Variants in LRP1-AS observed in about 807,000 individuals in gnomAD.
LRP1-AS encodes LRP1 antisense RNA.
rs764688578 is a variant in LRP1-AS, at chr12:57,146,536, A to G, written n.181+903T>C. 3 of 152,220 alleles carry G rather than the reference A, an allele frequency of 2.0e-5. No homozygotes were observed. The East Asian group carries it at 5.8e-4, about 29-fold the overall frequency. 9.4% of individuals were successfully genotyped at this position (152,220 alleles called of 1,614,324 possible). A position where few individuals can be genotyped will look rare whatever the true frequency, so the allele number is the denominator to read the frequency against. ...TATTTGGTTCTTGTGATGAAAAGAA[A>G]GATCCCAGGAGGTTACAAGGGATTC... On this transcript the variant is annotated intron_variant and non_coding_transcript_variant, in intron 1 of 1. Transcript: ENST00000555461.
At chr12:57,147,013 T>G (rs1406261881) in intron 1 of LRP1-AS, among the ~76,000 whole-genome samples, 8 of 151,918 alleles carry the variant, frequency 5.3e-5, no homozygotes, top group Non-Finnish European at 1.2e-4. Context: ...CTTCTCAACT[T>G]CTACTCTGGC....
chr12:57,147,051 A>G (rs1460320212), intron 1 of LRP1-AS, among the ~76,000 whole-genome samples: 6 of 152,050 alleles, frequency 3.9e-5, no homozygotes, highest in Admixed American at 3.9e-4. Flanking sequence ...CTTCCTCCCC[A>G]GGAGAAGCTG....
intron 1 of LRP1-AS, chr12:57,145,426 C>G (rs1477406892): frequency 1.9e-6 from 3 of 1,614,050 alleles, no homozygotes; most frequent in Middle Eastern, 1.6e-4. Context: ...TCAAGTGTGC[C>G]CGCATGCCTG....
chr12:57,145,798 G>T (rs372540679), intron 1 of LRP1-AS, among the ~76,000 whole-genome samples: 1 of 152,150 alleles, frequency 6.6e-6, no homozygotes, highest in African/African-American at 2.4e-5. Flanking sequence ...TGACTAGACT[G>T]CAGAGGGACT....
Position 57,145,192 on chromosome 12 carries a change from C to T in LRP1-AS, n.182-109G>A, listed in dbSNP as rs535270990. 4.7e-5 allele frequency: 76 copies of T among 1,613,780 alleles called. No individual in the cohort carries two copies. The East Asian group carries it at 1.5e-3, about 32-fold the overall frequency. On this transcript the variant is annotated intron_variant and non_coding_transcript_variant, in intron 1 of 1. Coordinates refer to ENST00000555461, the Ensembl canonical transcript of LRP1-AS. Reference sequence around the variant, plus strand: ...TGGCCTGAGAGGTGGTCCTAGAGCCCTGGCTGCACGGACTCTTCTCTTCCC... The same window carrying T: ...TGGCCTGAGAGGTGGTCCTAGAGCCTTGGCTGCACGGACTCTTCTCTTCCC...
intron 1 of LRP1-AS, among the ~76,000 whole-genome samples, chr12:57,145,808 T>G (rs1212169117): frequency 2.0e-5 from 3 of 152,104 alleles, no homozygotes; most frequent in African/African-American, 7.2e-5. Flanking sequence ...GCAGAGGGAC[T>G]TTCCGGTGCA....
At chr12:57,145,653 G>A (rs1324658433) in intron 1 of LRP1-AS, among the ~76,000 whole-genome samples, 1 of 152,270 alleles carries the variant, frequency 6.6e-6, no homozygotes, top group East Asian at 1.9e-4. Flanking sequence ...CAGGGGCAGA[G>A]CCACCGGCAC....
In LRP1-AS at chr12:57,145,028, G is replaced by A. The variant is rs765594971; in HGVS notation, n.237C>T. On this transcript the variant is annotated non_coding_transcript_exon_variant, in exon 2 of 2. Coordinates refer to ENST00000555461, the Ensembl canonical transcript of LRP1-AS. ...CAGCCAGCTATGCACCAACACAGAC[G>A]GCTCCTTCATATGTGGCTGTGTTGA... The A allele has an allele frequency of 3.1e-5, 50 of 1,613,910 alleles. No individual in the cohort carries two copies. The highest frequency in any genetic ancestry group is 3.6e-5 in the Non-Finnish European group (43 of 1,180,024).
At chr12:57,146,233 T>G (rs1459967652) in intron 1 of LRP1-AS, among the ~76,000 whole-genome samples, 1 of 152,094 alleles carries the variant, frequency 6.6e-6, no homozygotes, top group African/African-American at 2.4e-5. Context: ...AAAGTCAACA[T>G]CTGGCAGCAT....
At chr12:57,145,104 G>A in intron 1 of LRP1-AS, 1 of 1,613,902 alleles carries the variant, frequency 6.2e-7, no homozygotes, top group Non-Finnish European at 8.5e-7. Context: ...AAGAACGGTG[G>A]GTGGGGTTGC....
At chr12:57,146,831 G>A (rs917009191) in intron 1 of LRP1-AS, 2 of 152,326 alleles carry the variant, frequency 1.3e-5, no homozygotes, top group African/African-American at 4.8e-5. Flanking sequence ...TGGCTGATGG[G>A]GTGGGATTGG....
chr12:57,144,811 G>A, exon 2 of LRP1-AS: 1 of 690,782 alleles, frequency 1.4e-6, no homozygotes, highest in Non-Finnish European at 2.5e-6. Flanking sequence ...GACTGGACTT[G>A]CTGGGTGTTA....
exon 2 of LRP1-AS, chr12:57,144,873 TAGCTG>T: frequency 1.7e-6 from 2 of 1,210,034 alleles, no homozygotes; most frequent in Non-Finnish European, 2.4e-6. Context: ...TCCTTCAAGG[TAGCTG>T]TAAGGATGGA....
chr12:57,147,052 G>A lies in LRP1-AS; in HGVS notation n.181+387C>T, dbSNP rs1235570785. ...ATCTCCTTATCTGACTTCCTCCCCA[G>A]GAGAAGCTGGTACCCCTCCCTTGGC... On this transcript the variant is annotated intron_variant and non_coding_transcript_variant, in intron 1 of 1. Transcript: ENST00000555461. Among the ~76,000 whole-genome samples the A allele has an allele frequency of 2.6e-5, 4 of 152,186 alleles. No individual in the cohort carries two copies. The East Asian group carries it at 7.7e-4, about 29-fold the overall frequency.
At chr12:57,147,065 C>G (rs7398375) in intron 1 of LRP1-AS, among the ~76,000 whole-genome samples, 39,660 of 151,694 alleles carry the variant, frequency 0.26, 5,542 homozygotes, top group East Asian at 0.53. Flanking sequence ...GAAGCTGGTA[C>G]CCCTCCCTTG....
intron 1 of LRP1-AS, among the ~76,000 whole-genome samples, chr12:57,147,240 C>T (rs887288413): frequency 2.6e-5 from 4 of 152,074 alleles, no homozygotes; most frequent in Admixed American, 1.3e-4. Context: ...CCCTGCTCCA[C>T]GTCCCTGCCG....
At chr12:57,146,971 G>T (rs1291129694) in intron 1 of LRP1-AS, among the ~76,000 whole-genome samples, 2 of 151,930 alleles carry the variant, frequency 1.3e-5, no homozygotes, top group African/African-American at 4.8e-5. Context: ...TGGGCTTCTG[G>T]GTAGGTGGCT....
intron 1 of LRP1-AS, chr12:57,146,616 T>A (rs1424925365): frequency 1.3e-5 from 2 of 152,228 alleles, no homozygotes; most frequent in Non-Finnish European, 1.5e-5. Context: ...GGGGTTCCTC[T>A]GAGAGCCCTC....
At position 57,145,285 on chromosome 12, in the gene LRP1-AS, G is replaced by C. The variant is rs760353175; in HGVS notation, n.182-202C>G. On this transcript the variant is annotated intron_variant and non_coding_transcript_variant, in intron 1 of 1. Coordinates refer to ENST00000555461, the Ensembl canonical transcript of LRP1-AS. ...CCAACTCCCAGAACATCTTGGCCACGTACCTGAGTGGGGCCCAGGTGTCTA... is the reference window on the plus strand; with the variant it reads ...CCAACTCCCAGAACATCTTGGCCACCTACCTGAGTGGGGCCCAGGTGTCTA... 1.5e-5 allele frequency: 24 copies of C among 1,614,026 alleles called. No homozygotes were observed. The South Asian group carries it at 2.3e-4, about 16-fold the overall frequency.
Sources: gnomAD v4.1 joint callset for allele counts (sites outside exome capture counted in the v4.1 genomes callset) on GRCh38, gnomAD v4.1.1 for gene constraint, MANE v1.5 for transcripts, NCBI Gene and HGNC (gene_info 2026-07-23, HGNC 2026-07-21) for gene names.